GSE1: variants seen among roughly 807,000 people sequenced by gnomAD.
GSE1 encodes genetic suppressor element 1.
A neutral mutation model predicts 112.6 loss-of-function variants in GSE1; 32 were observed. That is an observed-to-expected ratio of 0.28 (90% confidence interval 0.21 to 0.38). GSE1 has a LOEUF of 0.38. GSE1 is among the 10% of genes least tolerant of loss of function. The pLI, the probability that GSE1 is intolerant of heterozygous loss-of-function variation, is 1.00. For missense variants in GSE1, 2,348 were observed against 1,699.2 expected, an observed-to-expected ratio of 1.38 and a Z score of -6.71; for synonymous variants, 1,115 against 735.6, an observed-to-expected ratio of 1.52 and a Z score of -8.35.
intron 1 of GSE1, among the ~76,000 whole-genome samples, chr16:85,584,128 C>T (rs2046577167): frequency 6.6e-6 from 1 of 152,220 alleles, no homozygotes; most frequent in South Asian, 2.1e-4. Context: ...GCAGACTGGC[C>T]TTGGGTCTTT....
At chr16:85,668,008 G>T in intron 13 of GSE1, 132 bp from the exon 14 acceptor site, 2 of 687,202 alleles carry the variant, frequency 2.9e-6, no homozygotes, top group Non-Finnish European at 5.0e-6. Flanking sequence ...CTCTCTACGC[G>T]ATGTCATCTT....
At chr16:85,198,302 A>G (rs1199239252) in intron 1 of GSE1, among the ~76,000 whole-genome samples, 3 of 152,190 alleles carry the variant, frequency 2.0e-5, no homozygotes, top group African/African-American at 4.8e-5. Flanking sequence ...GGTCCTCTCT[A>G]CGGACGAGGT....
chr16:85,646,182 C>T (rs896548710), intron 2 of GSE1, among the ~76,000 whole-genome samples: 9 of 149,046 alleles, frequency 6.0e-5, no homozygotes, highest in Admixed American at 4.7e-4. Context: ...ATGCATTCTA[C>T]CTGCTTCTAC....
At chr16:85,376,624 G>C (rs1482753453) in intron 2 of GSE1, among the ~76,000 whole-genome samples, 1 of 152,238 alleles carries the variant, frequency 6.6e-6, no homozygotes, top group Non-Finnish European at 1.5e-5. Flanking sequence ...TGGGAGGCGG[G>C]CTGTCACCAC....
At chr16:85,339,874 C>T (rs2046587225) in intron 1 of GSE1, among the ~76,000 whole-genome samples, 1 of 152,182 alleles carries the variant, frequency 6.6e-6, no homozygotes, top group South Asian at 2.1e-4. Context: ...GTCAGCTTCA[C>T]AGAAGCCGGA....
chr16:85,192,226 G>A (rs1597762927), intron 1 of GSE1, among the ~76,000 whole-genome samples: 1 of 152,206 alleles, frequency 6.6e-6, no homozygotes, highest in Non-Finnish European at 1.5e-5. Context: ...TTTTAGAGGG[G>A]TTAGGATTAT....
At chr16:85,208,335 G>A (rs1232559500) in intron 1 of GSE1, among the ~76,000 whole-genome samples, 1 of 152,190 alleles carries the variant, frequency 6.6e-6, no homozygotes, top group African/African-American at 2.4e-5. Context: ...GGTCTGCGGA[G>A]TTCTCAGCCA....
intron 2 of GSE1, among the ~76,000 whole-genome samples, chr16:85,471,692 A>C (rs1287336660): frequency 2.7e-5 from 4 of 150,380 alleles, no homozygotes; most frequent in African/African-American, 9.8e-5. Context: ...GACATGAGCC[A>C]CTGCACCCAG....
At chr16:85,622,732 G>C (rs1025104821) in intron 1 of GSE1, among the ~76,000 whole-genome samples, 1 of 152,156 alleles carries the variant, frequency 6.6e-6, no homozygotes, top group Non-Finnish European at 1.5e-5. Context: ...ACCTACCTTG[G>C]GGTTGACACA....
At chr16:85,607,723 C>T (rs367710920), upstream of GSE1, among the ~76,000 whole-genome samples, 1 of 152,220 alleles carries the variant, frequency 6.6e-6, no homozygotes, top group African/African-American at 2.4e-5. Context: ...GAGGCGGGCG[C>T]TGCTTTCCCC....
In GSE1 at chr16:85,560,150, T is replaced by TTTTTTA. The variant is rs1179259849; in HGVS notation, c.37+3787_37+3788insTTTTTA. ...CTTCTTTTTTTTTTTTTTTTTTTTT[T>TTTTTTA]ATGTGAGACGGAGTCTCTCTCTCTT... On this transcript the variant is annotated intron_variant, in intron 1 of 2. Coordinates refer to the GSE1 transcript ENST00000635906. Among the ~76,000 whole-genome samples, 9 of 145,122 alleles carry TTTTTTA rather than the reference T, an allele frequency of 6.2e-5. 1 individual carries two copies. Among genetic ancestry groups the TTTTTTA allele is most frequent in the African/African-American group, 7.7e-5 (3 of 38,764 alleles).
At chr16:85,297,702 G>T (rs1187105826) in intron 1 of GSE1, among the ~76,000 whole-genome samples, 1 of 152,060 alleles carries the variant, frequency 6.6e-6, no homozygotes, top group African/African-American at 2.4e-5. Flanking sequence ...TTTGTAGACA[G>T]GGTCTCACTT....
chr16:85,515,610 G>T (rs1034019983), intron 2 of GSE1, among the ~76,000 whole-genome samples: 1 of 151,428 alleles, frequency 6.6e-6, no homozygotes, highest in African/African-American at 2.4e-5. Flanking sequence ...GCAGTTTTCT[G>T]TGTGGGGGGA....
At position 85,499,870 on chromosome 16, in the gene GSE1, A is replaced by G. The variant is rs78370988; in HGVS notation, c.2465-134044A>G. 7.5e-3 allele frequency among the ~76,000 whole-genome samples: 1,140 copies of G among 152,314 alleles called. 11 individuals are homozygous for G. Among genetic ancestry groups the G allele is most frequent in the African/African-American group, 0.026 (1,083 of 41,558 alleles). On this transcript the variant is annotated intron_variant, in intron 2 of 2. Coordinates refer to the GSE1 transcript ENST00000637419. ...GACAGACTGTTACAGCCCAAGCATC[A>G]CGTACATGGGAAAAACCTTTTTGGA...
At chr16:85,467,444 A>T (rs2050155699) in intron 2 of GSE1, among the ~76,000 whole-genome samples, 1 of 152,226 alleles carries the variant, frequency 6.6e-6, no homozygotes, top group Non-Finnish European at 1.5e-5. Flanking sequence ...TGCAGCTAGC[A>T]GCTCTCGCCT....
intron 1 of GSE1, among the ~76,000 whole-genome samples, chr16:85,235,326 A>C (rs1207860407): frequency 2.6e-5 from 4 of 151,284 alleles, no homozygotes; most frequent in Non-Finnish European, 4.4e-5. Context: ...CCCCAGGCGA[A>C]GAGGGGTTGG....
intron 1 of GSE1, among the ~76,000 whole-genome samples, chr16:85,283,805 C>T (rs2044931162): frequency 6.6e-6 from 1 of 152,198 alleles, no homozygotes; most frequent in Non-Finnish European, 1.5e-5. Context: ...ATTATTATAC[C>T]CATTTTATGG....
At chr16:85,548,009 C>G (rs570103166) in intron 2 of GSE1, among the ~76,000 whole-genome samples, 1 of 151,626 alleles carries the variant, frequency 6.6e-6, no homozygotes, top group Non-Finnish European at 1.5e-5. Flanking sequence ...GGGCGGATCA[C>G]GAGGTCAGGA....
At chr16:85,552,088 C>A (rs912117893), upstream of GSE1, among the ~76,000 whole-genome samples, 1 of 151,790 alleles carries the variant, frequency 6.6e-6, no homozygotes, top group African/African-American at 2.4e-5. Context: ...TGCAGTGGTG[C>A]GATCTTGGCT....
Sources: allele counts gnomAD v4.1 joint callset (sites outside exome capture counted in the v4.1 genomes callset), GRCh38; gene constraint gnomAD v4.1.1; transcripts MANE v1.5; gene names NCBI Gene and HGNC (gene_info 2026-07-23, HGNC 2026-07-21).